POLR1E: variants seen among roughly 807,000 people sequenced by gnomAD.
The protein encoded by POLR1E is DNA-directed RNA polymerase I subunit RPA49.
A neutral mutation model predicts 50.9 loss-of-function variants in POLR1E; 37 were observed. The observed-to-expected ratio is 0.73, with a 90% confidence interval of 0.56 to 0.96. The LOEUF is 0.96. Among genes scored for constraint, POLR1E ranks in the 40% least tolerant of loss-of-function variants. The pLI, the probability that POLR1E is intolerant of heterozygous loss-of-function variation, is 0.00. For missense variants in POLR1E, 426 were observed against 518.1 expected (o/e 0.82, Z 1.73); for synonymous variants, 166 against 191.6 (o/e 0.87, Z 1.10).
chr9:37,492,628 T>A (rs761674044), intron 4 of POLR1E, 29 bp from the exon 5 acceptor site: 1 of 1,610,094 alleles, frequency 6.2e-7, no homozygotes, highest in African/African-American at 1.3e-5. Flanking sequence ...TTGACTTTTC[T>A]TTCTCTCTGT....
chr9:37,497,964 G>A, intron 8 of POLR1E, 127 bp from the exon 9 acceptor site: 1 of 1,109,988 alleles, frequency 9.0e-7, no homozygotes. Flanking sequence ...TTGTTGCCCA[G>A]GGTTTCATCA....
intron 3 of POLR1E, 135 bp downstream of exon 3, chr9:37,488,074 C>T: frequency 1.3e-6 from 1 of 783,464 alleles, no homozygotes; most frequent in Non-Finnish European, 2.1e-6. Flanking sequence ...CCCTGTGTTC[C>T]TATTAGACCC....
intron 9 of POLR1E, among the ~76,000 whole-genome samples, chr9:37,499,848 CTT>C (rs369146345): frequency 4.4e-5 from 6 of 135,898 alleles, no homozygotes; most frequent in African/African-American, 1.6e-4. Flanking sequence ...TTGCTTAGTT[CTT>C]TTTTTTTTTT....
At chr9:37,502,236 A>G (rs1820904436) in intron 11 of POLR1E, among the ~76,000 whole-genome samples, 1 of 152,110 alleles carries the variant, frequency 6.6e-6, no homozygotes, top group Non-Finnish European at 1.5e-5. Context: ...CACAGGGGAG[A>G]GGGATTCTGT....
rs2119025920 is a variant in POLR1E, at chr9:37,503,465, C to T, written c.*263C>T. On this transcript the variant is annotated 3_prime_UTR_variant, in exon 12 of 12. Coordinates refer to ENST00000377798, the MANE Select transcript of POLR1E (RefSeq NM_022490.4). Reference sequence around the variant, plus strand: ...TGGTGGTGTGCGCCTGTAATCCCAGCTACTCGGGAGGCTGAGGCAGGACGA... The same window carrying T: ...TGGTGGTGTGCGCCTGTAATCCCAGTTACTCGGGAGGCTGAGGCAGGACGA... 1 of 285,564 alleles carries T rather than the reference C, an allele frequency of 3.5e-6. No homozygotes were observed. The highest frequency in any genetic ancestry group is 6.4e-6 in the Non-Finnish European group (1 of 155,040). 17.7% of individuals were successfully genotyped at this position (285,564 alleles called of 1,614,324 possible).
intron 2 of POLR1E, 128 bp downstream of exon 2, chr9:37,486,934 G>T (rs1243503254): frequency 3.6e-6 from 4 of 1,101,784 alleles, no homozygotes; most frequent in Non-Finnish European, 5.1e-6. Flanking sequence ...GAAGAACTCT[G>T]ATGCCCAGCA....
intron 4 of POLR1E, among the ~76,000 whole-genome samples, chr9:37,491,581 A>C (rs1820686578): frequency 6.6e-6 from 1 of 151,684 alleles, no homozygotes; most frequent in East Asian, 1.9e-4. Context: ...TTCCTGCCTC[A>C]GCCTCTTGAG....
At chr9:37,497,324 C>T (rs548527356) in intron 8 of POLR1E, among the ~76,000 whole-genome samples, 1 of 152,342 alleles carries the variant, frequency 6.6e-6, no homozygotes, top group Non-Finnish European at 1.5e-5. Flanking sequence ...CATTGCACTC[C>T]AGCCTGGGCC....
At chr9:37,497,610 G>A (rs975727713) in intron 8 of POLR1E, among the ~76,000 whole-genome samples, 5 of 152,226 alleles carry the variant, frequency 3.3e-5, no homozygotes, top group African/African-American at 9.6e-5. Context: ...TTCGCACTAC[G>A]ATGGCAGAGT....
chr9:37,495,899 C>A lies in POLR1E; in HGVS notation c.665C>A (p.Pro222His). 1 of 1,612,610 alleles carries A rather than the reference C, an allele frequency of 6.2e-7. No individual in the cohort carries two copies. The highest frequency in any genetic ancestry group is 1.1e-5 in the South Asian group (1 of 91,038). The change falls in exon 8 of 12, where the codon CCT becomes CAT. Residue 222 changes from proline (P) to histidine (H), a missense_variant. Coordinates refer to ENST00000377798, the MANE Select transcript of POLR1E (RefSeq NM_022490.4). ...CTTGACCTGTAACTAGTTCTTTCCC[C>A]TGCGGAGTATGAAGCTCTTCAGAGC... The part of the protein sequence containing the change: ...DVYKFEDLLS[P>H]AEYEALQSPS...
intron 9 of POLR1E, among the ~76,000 whole-genome samples, chr9:37,498,935 A>G (rs1045631044): frequency 2.0e-5 from 3 of 152,202 alleles, no homozygotes; most frequent in Non-Finnish European, 4.4e-5. Context: ...TTGTACAAAC[A>G]TCATAGAGTA....
In POLR1E at chr9:37,503,310, G is replaced by T; in HGVS notation, c.*108G>T. ...GAAAAGAAAAGGTCCGGGGATGGTG[G>T]CTCACACCTGAAATCCCAGCACTTT... On this transcript the variant is annotated 3_prime_UTR_variant, in exon 12 of 12. Transcript: ENST00000377798. 7.4e-7 allele frequency: 1 copy of T among 1,343,278 alleles called. No individual in the cohort carries two copies. Among genetic ancestry groups the T allele is most frequent in the Non-Finnish European group, 9.9e-7 (1 of 1,010,732 alleles). The allele number at this position is 1,343,278 out of a possible 1,614,324, so 83.2% of individuals were successfully genotyped here.
intron 1 of POLR1E, 47 bp from the exon 2 acceptor site, chr9:37,486,656 T>C: frequency 6.2e-7 from 1 of 1,614,212 alleles, no homozygotes; most frequent in Non-Finnish European, 8.5e-7. Flanking sequence ...TGTGGTACAT[T>C]GTGTGGCCTT....
chr9:37,499,094 T>G (rs7865901), intron 9 of POLR1E, among the ~76,000 whole-genome samples: 42,465 of 152,074 alleles, frequency 0.28, 6,515 homozygotes, highest in African/African-American at 0.4. Flanking sequence ...TATCTAAATA[T>G]ATCTAAACAG....
intron 5 of POLR1E, among the ~76,000 whole-genome samples, chr9:37,492,941 A>G (rs957330367): frequency 6.6e-6 from 1 of 152,182 alleles, no homozygotes; most frequent in East Asian, 1.9e-4. Flanking sequence ...CTCTGTGCCA[A>G]TGTTTGGAGT....
intron 1 of POLR1E, 118 bp from the exon 2 acceptor site, chr9:37,486,585 T>A: frequency 6.2e-7 from 1 of 1,612,498 alleles, no homozygotes; most frequent in Non-Finnish European, 8.5e-7. Context: ...GGACCCGAGC[T>A]TCCTTGCCAT....
intron 8 of POLR1E, among the ~76,000 whole-genome samples, chr9:37,496,911 G>A (rs983029466): frequency 2.5e-4 from 38 of 152,158 alleles, no homozygotes; most frequent in Non-Finnish European, 3.5e-4. Context: ...ATAATAGTTA[G>A]CATTGACTGA....
intron 8 of POLR1E, among the ~76,000 whole-genome samples, chr9:37,496,835 G>T (rs560540101): frequency 6.6e-6 from 1 of 152,184 alleles, no homozygotes; most frequent in South Asian, 2.1e-4. Context: ...TCTATGAGAT[G>T]ATCTTGAAGA....
At chr9:37,487,810 T>G (rs888859576) in intron 2 of POLR1E, 53 bp from the exon 3 acceptor site, 14 of 1,526,044 alleles carry the variant, frequency 9.2e-6, no homozygotes, top group Non-Finnish European at 1.3e-5. Context: ...GAAATGATGC[T>G]TAATACCTTT....
Sources: allele counts gnomAD v4.1 joint callset (sites outside exome capture counted in the v4.1 genomes callset), GRCh38; gene constraint gnomAD v4.1.1; transcripts MANE v1.5; gene names NCBI Gene and HGNC (gene_info 2026-07-23, HGNC 2026-07-21).